IL1RAPL2: variants seen among roughly 807,000 people sequenced by gnomAD.
IL1RAPL2 encodes the protein interleukin 1 receptor accessory protein like 2.
A neutral mutation model predicts 44.1 loss-of-function variants in IL1RAPL2; 3 were observed. The ratio of observed to expected loss-of-function variants is 0.07; its 90% CI spans 0.03 to 0.18. The LOEUF is 0.18. IL1RAPL2 is among the 10% of genes least tolerant of loss of function. The pLI, the probability that IL1RAPL2 is intolerant of heterozygous loss-of-function variation, is 1.00. For synonymous variants in IL1RAPL2, 181 were observed against 178.8 expected, an observed-to-expected ratio of 1.01 and a Z score of -0.10; for missense variants, 391 against 496.4, an observed-to-expected ratio of 0.79 and a Z score of 2.02.
chrX:105,595,596 G>T (rs1287637699), intron 6 of IL1RAPL2, among the ~76,000 whole-genome samples: 1 of 106,958 alleles, frequency 9.3e-6, no homozygotes, highest in Non-Finnish European at 1.9e-5. Context: ...AGTGTTTTTT[G>T]TTGTTGTTGT....
At chrX:105,603,108 G>A (rs2037266077) in intron 6 of IL1RAPL2, among the ~76,000 whole-genome samples, 1 of 110,425 alleles carries the variant, frequency 9.1e-6, no homozygotes, top group African/African-American at 3.3e-5. Context: ...GAGTAAGAAA[G>A]GAACGAAAGA....
chrX:105,110,923 C>A (rs1178674621), intron 2 of IL1RAPL2, among the ~76,000 whole-genome samples: 6 of 110,364 alleles, frequency 5.4e-5, no homozygotes, highest in African/African-American at 2.0e-4. Context: ...GGCAACAGAG[C>A]GAGACTCCAC....
intron 4 of IL1RAPL2, among the ~76,000 whole-genome samples, chrX:105,247,361 C>T (rs766409550): frequency 9.0e-6 from 1 of 110,750 alleles, no homozygotes; most frequent in East Asian, 2.8e-4. Flanking sequence ...TCACTCACAT[C>T]ACTGATATAA....
At chrX:104,697,890 A>C (rs1931207697) in intron 2 of IL1RAPL2, among the ~76,000 whole-genome samples, 1 of 112,971 alleles carries the variant, frequency 8.9e-6, no homozygotes, top group Non-Finnish European at 1.9e-5. Flanking sequence ...GATTTCCATG[A>C]GTCAGACACC....
At chrX:105,578,026 C>T (rs1039568735) in intron 6 of IL1RAPL2, among the ~76,000 whole-genome samples, 10 of 97,965 alleles carry the variant, frequency 1.0e-4, no homozygotes, top group Non-Finnish European at 1.7e-4. Flanking sequence ...TACTATCCCT[C>T]TCCCCTCCCC....
intron 2 of IL1RAPL2, among the ~76,000 whole-genome samples, chrX:104,856,677 A>C (rs1375857553): frequency 1.8e-5 from 2 of 112,121 alleles, no homozygotes; most frequent in African/African-American, 3.2e-5. Flanking sequence ...ATACATAATG[A>C]TAATGGACAC....
intron 5 of IL1RAPL2, among the ~76,000 whole-genome samples, chrX:105,449,079 A>T (rs965127209): frequency 9.0e-6 from 1 of 111,090 alleles, no homozygotes; most frequent in African/African-American, 3.3e-5. Flanking sequence ...TGGTGAGGTC[A>T]TGTTTTCCTG....
chrX:104,845,026 C>T (rs1437556857), intron 2 of IL1RAPL2, among the ~76,000 whole-genome samples: 1 of 111,914 alleles, frequency 8.9e-6, no homozygotes, highest in Non-Finnish European at 1.9e-5. Context: ...GCCCTTCCAA[C>T]AAAGTTTTGA....
intron 2 of IL1RAPL2, among the ~76,000 whole-genome samples, chrX:104,904,979 T>C (rs1335847006): frequency 1.8e-5 from 2 of 111,210 alleles, no homozygotes; most frequent in Non-Finnish European, 3.8e-5. Context: ...TTCCTGACTT[T>C]TTAATGATTG....
chrX:104,955,819 C>T (rs1339381134), intron 2 of IL1RAPL2, among the ~76,000 whole-genome samples: 1 of 110,916 alleles, frequency 9.0e-6, no homozygotes, highest in African/African-American at 3.3e-5. Flanking sequence ...TGAGAGTCTT[C>T]CATGCCAAAC....
At chrX:105,030,418 T>C (rs1038325167) in intron 2 of IL1RAPL2, among the ~76,000 whole-genome samples, 1 of 112,069 alleles carries the variant, frequency 8.9e-6, no homozygotes, top group South Asian at 3.7e-4. Context: ...GAATTAATTT[T>C]TGTATAAGGT....
intron 6 of IL1RAPL2, among the ~76,000 whole-genome samples, chrX:105,529,553 T>A (rs1245823552): frequency 1.8e-5 from 2 of 111,358 alleles, no homozygotes; most frequent in Admixed American, 9.6e-5. Context: ...ATGTGTCCAT[T>A]TTGAAATGTA....
At chrX:105,362,287 A>C (rs898351815) in intron 5 of IL1RAPL2, among the ~76,000 whole-genome samples, 2 of 111,579 alleles carry the variant, frequency 1.8e-5, no homozygotes, top group African/African-American at 3.2e-5. Flanking sequence ...ATTTTACTTT[A>C]CAATTCAGTG....
chrX:105,450,141 TCA>T (rs1357075370), intron 5 of IL1RAPL2, among the ~76,000 whole-genome samples: 1 of 112,117 alleles, frequency 8.9e-6, no homozygotes, highest in Non-Finnish European at 1.9e-5. Context: ...CTCCCTCCAT[TCA>T]CAGTCACTGG....
intron 6 of IL1RAPL2, among the ~76,000 whole-genome samples, chrX:105,710,998 A>G (rs928874486): frequency 4.7e-5 from 5 of 107,361 alleles, no homozygotes; most frequent in Non-Finnish European, 9.6e-5. Context: ...ATACATACAC[A>G]TACATATACA....
chrX:105,048,958 A>C (rs754050266), intron 2 of IL1RAPL2, among the ~76,000 whole-genome samples: 8 of 111,745 alleles, frequency 7.2e-5, no homozygotes, highest in Non-Finnish European at 1.3e-4. Flanking sequence ...ACAATGTCTA[A>C]ATCACTGGCA....
chrX:104,659,765 A>G (rs1930350508), intron 2 of IL1RAPL2, among the ~76,000 whole-genome samples: 1 of 112,038 alleles, frequency 8.9e-6, no homozygotes, highest in African/African-American at 3.2e-5. Context: ...GAGACTTTCT[A>G]CTGGCTTCTA....
intron 2 of IL1RAPL2, among the ~76,000 whole-genome samples, chrX:105,005,446 G>A (rs890585587): frequency 4.5e-5 from 5 of 111,329 alleles, no homozygotes; most frequent in Non-Finnish European, 9.5e-5. Flanking sequence ...CCTCACGCCA[G>A]ACTTACTTAA....
intron 6 of IL1RAPL2, among the ~76,000 whole-genome samples, chrX:105,608,578 T>C (rs2037312626): frequency 1.8e-5 from 2 of 112,265 alleles, no homozygotes; most frequent in African/African-American, 6.5e-5. Flanking sequence ...TGGAACATTT[T>C]AAACCATGAA....
Sources: allele counts gnomAD v4.1 joint callset (sites outside exome capture counted in the v4.1 genomes callset), GRCh38; gene constraint gnomAD v4.1.1; transcripts MANE v1.5; gene names NCBI Gene and HGNC (gene_info 2026-07-23, HGNC 2026-07-21).